ARHGAP15: variants seen among roughly 807,000 people sequenced by gnomAD.
The protein encoded by ARHGAP15 is Rho GTPase activating protein 15, also known as rho GTPase-activating protein 15.
In ARHGAP15, 51 loss-of-function variants were observed where a neutral mutation model predicts 63.7. The ratio of observed to expected loss-of-function variants is 0.80; its 90% confidence interval spans 0.64 to 1.01. The LOEUF is 1.01. Among genes scored for constraint, ARHGAP15 ranks in the 50% least tolerant of loss-of-function variants. The probability of loss-of-function intolerance (pLI) is 0.00; values close to 1 mark genes in which losing one functional copy is unlikely to be tolerated. For synonymous variants in ARHGAP15, 191 were observed against 193.8 expected (o/e 0.99, Z 0.12); for missense variants, 560 against 564.6 (o/e 0.99, Z 0.08).
rs557678426 is a variant in ARHGAP15, at chr2:143,673,239, T to C, written c.1139-30180T>C. ...TATAGCATCTAGAAAACAAACAGAG[T>C]GTAGACTACCTTTGAGACCTAAGAA... is the stretch of plus-strand genomic sequence containing the variant. On this transcript the variant is annotated intron_variant, in intron 12 of 13. Coordinates refer to ENST00000295095, the MANE Select transcript of ARHGAP15 (RefSeq NM_018460.4). Among the ~76,000 whole-genome samples, 20 of 152,142 alleles carry C rather than the reference T, an allele frequency of 1.3e-4. No homozygotes were observed. In the South Asian group the frequency reaches 3.9e-3, roughly 30 times the overall value.
At chr2:143,729,614 T>C (rs900611662) in intron 13 of ARHGAP15, among the ~76,000 whole-genome samples, 3 of 152,200 alleles carry the variant, frequency 2.0e-5, no homozygotes, top group Non-Finnish European at 2.9e-5. Flanking sequence ...GCTTGGCATG[T>C]AGTAGGTGCT....
chr2:143,720,591 G>A (rs1348604550), intron 13 of ARHGAP15, among the ~76,000 whole-genome samples: 1 of 152,170 alleles, frequency 6.6e-6, no homozygotes, highest in East Asian at 1.9e-4. Context: ...CTAGGGCGAA[G>A]GGGGATTCGA....
At chr2:143,303,831 C>A (rs1683034894) in intron 6 of ARHGAP15, among the ~76,000 whole-genome samples, 1 of 152,146 alleles carries the variant, frequency 6.6e-6, no homozygotes, top group Non-Finnish European at 1.5e-5. Context: ...GACATTTATG[C>A]AGCCAACAGA....
At chr2:143,575,308 G>A (rs1035082316) in intron 11 of ARHGAP15, among the ~76,000 whole-genome samples, 9 of 152,114 alleles carry the variant, frequency 5.9e-5, no homozygotes, top group African/African-American at 2.2e-4. Flanking sequence ...AAATGTCTTT[G>A]GGACCAAGAC....
At chr2:143,510,018 T>TAAAAAAAAAAAAAAAA (rs35469918) in intron 9 of ARHGAP15, among the ~76,000 whole-genome samples, 3 of 48,826 alleles carry the variant, frequency 6.1e-5, no homozygotes, top group Non-Finnish European at 1.1e-4. Context: ...GACTCCCTCT[T>TAAAAAAAAAAAAAAAA]AAAAAAAAAA....
At chr2:143,241,503 C>A (rs1693860781) in intron 5 of ARHGAP15, among the ~76,000 whole-genome samples, 1 of 152,070 alleles carries the variant, frequency 6.6e-6, no homozygotes, top group African/African-American at 2.4e-5. Flanking sequence ...GGAGTAGTGG[C>A]AGATGAGGGA....
intron 6 of ARHGAP15, among the ~76,000 whole-genome samples, chr2:143,293,003 A>G (rs1558871435): frequency 6.6e-6 from 1 of 152,016 alleles, no homozygotes. Flanking sequence ...CTTAGATTTC[A>G]CTTAGCTTAT....
At chr2:143,738,789 C>T (rs1685850446) in intron 13 of ARHGAP15, among the ~76,000 whole-genome samples, 1 of 152,180 alleles carries the variant, frequency 6.6e-6, no homozygotes, top group Non-Finnish European at 1.5e-5. Context: ...AGCAATTACA[C>T]AGACTGATAT....
chr2:143,403,462 G>A (rs1197456917), intron 6 of ARHGAP15, among the ~76,000 whole-genome samples: 1 of 151,616 alleles, frequency 6.6e-6, no homozygotes, highest in African/African-American at 2.4e-5. Flanking sequence ...GATAGATTAA[G>A]TATTGTGATG....
intron 11 of ARHGAP15, among the ~76,000 whole-genome samples, chr2:143,611,046 G>A (rs982200123): frequency 1.3e-5 from 2 of 152,106 alleles, no homozygotes; most frequent in African/African-American, 4.8e-5. Flanking sequence ...GTGTATGTAA[G>A]ACTAACACTA....
intron 12 of ARHGAP15, among the ~76,000 whole-genome samples, chr2:143,666,900 C>T (rs1421324712): frequency 2.4e-4 from 35 of 146,662 alleles, no homozygotes; most frequent in African/African-American, 9.0e-4. Context: ...GAATGGCAAT[C>T]ATTAAAAAGT....
At chr2:143,405,323 A>G (rs912582894) in intron 6 of ARHGAP15, among the ~76,000 whole-genome samples, 1 of 151,570 alleles carries the variant, frequency 6.6e-6, no homozygotes, top group Non-Finnish European at 1.5e-5. Context: ...CGTGGCCTTA[A>G]TCAAATTTTG....
intron 3 of ARHGAP15, 58 bp from the exon 4 acceptor site, chr2:143,216,326 T>C (rs1036341273): frequency 3.8e-6 from 5 of 1,312,968 alleles, no homozygotes; most frequent in Non-Finnish European, 5.4e-6. Context: ...ATAGGTTTAT[T>C]CAAATCAACA....
intron 11 of ARHGAP15, among the ~76,000 whole-genome samples, chr2:143,590,124 T>A (rs1055075308): frequency 3.3e-5 from 5 of 152,202 alleles, no homozygotes; most frequent in African/African-American, 1.2e-4. Context: ...CCCAGCTGTT[T>A]AGCTCATTTC....
At chr2:143,340,958 C>A (rs1046426168) in intron 6 of ARHGAP15, among the ~76,000 whole-genome samples, 3 of 152,150 alleles carry the variant, frequency 2.0e-5, no homozygotes, top group African/African-American at 7.2e-5. Flanking sequence ...GAAATGTTCA[C>A]TATCATTTGG....
intron 11 of ARHGAP15, among the ~76,000 whole-genome samples, chr2:143,589,345 AT>A (rs1189675967): frequency 6.6e-6 from 1 of 152,210 alleles, no homozygotes; most frequent in Non-Finnish European, 1.5e-5. Flanking sequence ...GTCATTTCTA[AT>A]ACCTGCTTTT....
At chr2:143,316,588 GTTATATATA>G (rs1300128827) in intron 6 of ARHGAP15, among the ~76,000 whole-genome samples, 6 of 143,334 alleles carry the variant, frequency 4.2e-5, no homozygotes, top group African/African-American at 1.5e-4. Flanking sequence ...AAATATATAT[GTTATATATA>G]TTTTAATATA....
chr2:143,747,050 A>G (rs973201053), intron 13 of ARHGAP15, among the ~76,000 whole-genome samples: 65 of 152,188 alleles, frequency 4.3e-4, no homozygotes, highest in African/African-American at 1.4e-3. Context: ...GGTTTAAAAA[A>G]CTGATCAGAA....
At chr2:143,416,201 T>A (rs1688672048) in intron 6 of ARHGAP15, among the ~76,000 whole-genome samples, 1 of 151,462 alleles carries the variant, frequency 6.6e-6, no homozygotes, top group African/African-American at 2.4e-5. Flanking sequence ...TGTTTACCTA[T>A]GTAACAAACA....
Sources: allele counts gnomAD v4.1 joint callset (sites outside exome capture counted in the v4.1 genomes callset), GRCh38; gene constraint gnomAD v4.1.1; transcripts MANE v1.5; gene names NCBI Gene and HGNC (gene_info 2026-07-23, HGNC 2026-07-21).